Variants in TMCO4 observed in about 807,000 individuals in gnomAD.
TMCO4 encodes transmembrane and coiled-coil domains 4.
Under a neutral mutation model 64.7 loss-of-function variants are expected in TMCO4, and 58 were observed. The ratio of observed to expected loss-of-function variants is 0.90; its 90% confidence interval spans 0.73 to 1.12. TMCO4 has a LOEUF of 1.12. Ranked by LOEUF, TMCO4 falls within the 50% of genes most tolerant of loss-of-function variation. TMCO4 has a pLI of 0.00. For synonymous variants in TMCO4, 325 were observed against 346.1 expected (o/e 0.94, Z 0.68); for missense variants, 780 against 825.9 (o/e 0.94, Z 0.68).
rs139632489 is a variant in TMCO4, at chr1:19,696,298, C to T, written c.1383-1747G>A. 7.4e-3 allele frequency among the ~76,000 whole-genome samples: 1,131 copies of T among 152,202 alleles called. 19 individuals carry two copies. Among genetic ancestry groups the T allele is most frequent in the African/African-American group, 0.023 (957 of 41,518 alleles). On this transcript the variant is annotated intron_variant, in intron 14 of 15. Coordinates refer to ENST00000294543, the MANE Select transcript of TMCO4 (RefSeq NM_181719.7). ...GGCGCGGTGGCTCACGCCTGTAATC[C>T]CAGCATTTTGGGAGGCTGAGGTGGG...
intron 6 of TMCO4, among the ~76,000 whole-genome samples, chr1:19,768,587 G>A (rs1244629177): frequency 6.6e-6 from 1 of 152,166 alleles, no homozygotes; most frequent in African/African-American, 2.4e-5. Context: ...TCCCTTGGGG[G>A]CCGCCTGGCT....
chr1:19,697,107 T>C (rs1409604044), intron 14 of TMCO4, among the ~76,000 whole-genome samples: 1 of 152,242 alleles, frequency 6.6e-6, no homozygotes, highest in African/African-American at 2.4e-5. Context: ...GGCATGACTA[T>C]TAGCGCCTGT....
chr1:19,777,526 T>A (rs987460614), intron 4 of TMCO4, among the ~76,000 whole-genome samples: 3 of 152,140 alleles, frequency 2.0e-5, no homozygotes, highest in African/African-American at 7.2e-5. Context: ...TTTTTATATT[T>A]TTAATAGATT....
At chr1:19,757,158 G>GC (rs967560490) in intron 6 of TMCO4, among the ~76,000 whole-genome samples, 1 of 134,360 alleles carries the variant, frequency 7.4e-6, no homozygotes, top group African/African-American at 2.7e-5. Context: ...AGGCGTGGTG[G>GC]CGGGGGGGGG....
At chr1:19,795,842 C>T (rs1394359836) in intron 2 of TMCO4, among the ~76,000 whole-genome samples, 1 of 152,248 alleles carries the variant, frequency 6.6e-6, no homozygotes, top group Non-Finnish European at 1.5e-5. Context: ...ATCTGACCAG[C>T]TCCCATCTAT....
chr1:19,696,024 A>G (rs997643244), intron 14 of TMCO4, among the ~76,000 whole-genome samples: 1 of 151,946 alleles, frequency 6.6e-6, no homozygotes, highest in Non-Finnish European at 1.5e-5. Flanking sequence ...CGCCCCATGG[A>G]TGAATGCGAC....
intron 6 of TMCO4, among the ~76,000 whole-genome samples, chr1:19,768,411 A>G (rs1214545981): frequency 6.6e-6 from 1 of 152,124 alleles, no homozygotes. Flanking sequence ...TTCTTCCCTC[A>G]CTTCTGTTAA....
rs994768944 is a variant in TMCO4, at chr1:19,732,987, C to T, written c.1264+4385G>A. On this transcript the variant is annotated intron_variant, in intron 13 of 15. Transcript: ENST00000294543. The surrounding 1 kb of genome is among the most constrained non-coding windows in gnomAD (Gnocchi z 4.8). ...CTGTCAATATAGAAGTTTTCTAGGC[C>T]GGGCACGGTGGCTCACGCCTGTAAT... Among the ~76,000 whole-genome samples, 9 of 151,588 alleles carry T rather than the reference C, an allele frequency of 5.9e-5. No homozygotes were observed. The highest frequency in any genetic ancestry group is 1.3e-4 in the Admixed American group (2 of 15,220).
chr1:19,793,567 G>C (rs1003275030), intron 2 of TMCO4, among the ~76,000 whole-genome samples: 2 of 152,206 alleles, frequency 1.3e-5, no homozygotes, highest in Admixed American at 1.3e-4. Context: ...TATTGGAAGC[G>C]AGAGGTCAGT....
At chr1:19,753,598 A>G (rs1442201307) in intron 7 of TMCO4, among the ~76,000 whole-genome samples, 1 of 152,174 alleles carries the variant, frequency 6.6e-6, no homozygotes, top group African/African-American at 2.4e-5. Flanking sequence ...AAAACCTTAC[A>G]GTCAAGAGAA....
intron 3 of TMCO4, among the ~76,000 whole-genome samples, chr1:19,782,495 C>T (rs575415787): frequency 6.6e-6 from 1 of 152,084 alleles, no homozygotes; most frequent in Non-Finnish European, 1.5e-5. Context: ...TAAAAATTCC[C>T]TGAACTGTAT....
Position 19,770,724 on chromosome 1 carries a change from C to T in TMCO4, c.355-155G>A, listed in dbSNP as rs115497063. Reference sequence around the variant, plus strand: ...GTGAGCCAGATGATAAACAGGCAAGCGAAGAAAGAAATACATGAGGACTTC... The same window carrying T: ...GTGAGCCAGATGATAAACAGGCAAGTGAAGAAAGAAATACATGAGGACTTC... On this transcript the variant is annotated intron_variant, in intron 5 of 15. Coordinates refer to ENST00000294543, the MANE Select transcript of TMCO4 (RefSeq NM_181719.7). Among the ~76,000 whole-genome samples the T allele has an allele frequency of 1.3e-3, 195 of 152,156 alleles. No homozygotes were observed. The South Asian group carries it at 0.021, about 16-fold the overall frequency.
Position 19,747,170 on chromosome 1 carries a change from C to G in TMCO4, c.606G>C (p.Thr202=). 1 of 1,613,912 alleles carries G rather than the reference C, an allele frequency of 6.2e-7. No individual in the cohort carries two copies. Among genetic ancestry groups the G allele is most frequent in the Non-Finnish European group, 8.5e-7 (1 of 1,179,866 alleles). ...LIGLATVGGG[T]VIGVTGGLAA... ...ATCTCTAGCTGGACTCACCGATCAC[C>G]GTTCCGCCTCCGACAGTCGCCAGGC... Residue 202 remains threonine (T), a synonymous_variant, in exon 8 of 16, where the codon ACG becomes ACC. Transcript: ENST00000294543.
chr1:19,735,170 C>T (rs1205501575), intron 13 of TMCO4, among the ~76,000 whole-genome samples: 6 of 152,192 alleles, frequency 3.9e-5, no homozygotes, highest in Non-Finnish European at 8.8e-5. Context: ...ACACTCACCA[C>T]AGTTCCCTGT....
intron 13 of TMCO4, among the ~76,000 whole-genome samples, chr1:19,717,978 T>C (rs2095364224): frequency 1.3e-5 from 2 of 152,238 alleles, no homozygotes; most frequent in African/African-American, 4.8e-5. Flanking sequence ...TGCTAATTAC[T>C]GGCTGGGTGC....
chr1:19,745,133 T>C lies in TMCO4; in HGVS notation c.877+399A>G, dbSNP rs957920473. On this transcript the variant is annotated intron_variant, in intron 10 of 15. Transcript: ENST00000294543. ...ATGGATAGATAGGTAGAAGTGTGGA[T>C]GGATGCATGGGTTCATGGGTGGGTA... 3.3e-5 allele frequency among the ~76,000 whole-genome samples: 5 copies of C among 150,810 alleles called. No homozygotes were observed. The South Asian group carries it at 6.3e-4, about 19-fold the overall frequency.
chr1:19,785,509 T>C (rs577278822), intron 3 of TMCO4, among the ~76,000 whole-genome samples: 13 of 152,330 alleles, frequency 8.5e-5, no homozygotes, highest in South Asian at 2.1e-4. Context: ...ACTTGCTGGA[T>C]GAATGAAGAA....
At chr1:19,699,475 T>G (rs1280035079) in intron 14 of TMCO4, among the ~76,000 whole-genome samples, 1 of 136,342 alleles carries the variant, frequency 7.3e-6, no homozygotes, top group East Asian at 2.2e-4. Context: ...ATTCCTTATC[T>G]TTTTCATATA....
Position 19,780,661 on chromosome 1 carries a change from T to C in TMCO4, c.98A>G (p.Glu33Gly). 4.3e-6 allele frequency: 7 copies of C among 1,613,968 alleles called. No individual in the cohort carries two copies. Among genetic ancestry groups the C allele is most frequent in the Non-Finnish European group, 5.9e-6 (7 of 1,179,970 alleles). Residue 33 changes from glutamate (E) to glycine (G), a missense_variant, in exon 4 of 16, where the codon GAG (glutamate) becomes GGG (glycine). Coordinates refer to ENST00000294543, the MANE Select transcript of TMCO4 (RefSeq NM_181719.7). ...GGCGAAGCGGTTGGCCTCAGTCAGC[T>C]CCCGGCCCGTGGGCAGGTGTGGCTC... ...EGEPHLPTGR[E>G]LTEANRFAYA...
Sources: allele counts gnomAD v4.1 joint callset (sites outside exome capture counted in the v4.1 genomes callset), GRCh38; gene constraint gnomAD v4.1.1; non-coding constraint Gnocchi (gnomAD v3.1); transcripts MANE v1.5; gene names NCBI Gene and HGNC (gene_info 2026-07-23, HGNC 2026-07-21).